Variants in MYOM2 observed in about 807,000 individuals in gnomAD.
The protein encoded by MYOM2 is myomesin 2.
In MYOM2, 254 loss-of-function variants were observed where a neutral mutation model predicts 187.6. That is an observed-to-expected ratio of 1.35 (90% CI 1.22 to 1.50). The LOEUF is 1.50. MYOM2 is among the 40% of genes most tolerant of loss of function. The pLI, the probability that MYOM2 is intolerant of heterozygous loss-of-function variation, is 0.00. For missense variants in MYOM2, 2,796 were observed against 1,924.0 expected, an observed-to-expected ratio of 1.45 and a Z score of -8.48; for synonymous variants, 981 against 753.8, an observed-to-expected ratio of 1.30 and a Z score of -4.94.
chr8:2,049,213 T>A (rs1004126223), intron 1 of MYOM2, among the ~76,000 whole-genome samples: 1 of 152,188 alleles, frequency 6.6e-6, no homozygotes, highest in Non-Finnish European at 1.5e-5. Flanking sequence ...CTAGTTGGGT[T>A]TTAAGAGGCA....
intron 31 of MYOM2, among the ~76,000 whole-genome samples, chr8:2,126,539 TACTC>T (rs996242473): frequency 6.6e-6 from 1 of 152,002 alleles, no homozygotes; most frequent in Non-Finnish European, 1.5e-5. Flanking sequence ...TACACACACT[TACTC>T]ATATGGGCAC....
chr8:2,110,771 T>C (rs955584479), intron 25 of MYOM2, among the ~76,000 whole-genome samples: 1 of 152,212 alleles, frequency 6.6e-6, no homozygotes, highest in Non-Finnish European at 1.5e-5. Flanking sequence ...GGACCCCTCA[T>C]TGCAGTCCAG....
At chr8:2,133,579 G>A (rs1378105780) in intron 32 of MYOM2, among the ~76,000 whole-genome samples, 1 of 152,158 alleles carries the variant, frequency 6.6e-6, no homozygotes, top group African/African-American at 2.4e-5. Flanking sequence ...TCCCACCTCA[G>A]CCTCCAGAGT....
In MYOM2 at chr8:2,100,948, A is replaced by G; in HGVS notation, c.2513A>G (p.Tyr838Cys). ...SLVMLWKAPV[Y>C]SGSSPVSGYF... is the part of the protein sequence containing the mutation. Reference sequence around the variant, plus strand: ...GTCATGCTGTGGAAGGCCCCTGTGTACTCCGGCAGCAGCCCTGTTTCTGGA... The same window carrying G: ...GTCATGCTGTGGAAGGCCCCTGTGTGCTCCGGCAGCAGCCCTGTTTCTGGA... Residue 838 changes from tyrosine (Y) to cysteine (C), a missense_variant, in exon 20 of 37, where the codon TAC (tyrosine) becomes TGC (cysteine). Physicochemically the swap from Tyr to Cys is radical, Grantham distance 194 (BLOSUM62 -2). Coordinates refer to ENST00000262113, the MANE Select transcript of MYOM2 (RefSeq NM_003970.4). 6.2e-7 allele frequency: 1 copy of G among 1,614,004 alleles called. No individual in the cohort carries two copies. The highest frequency in any genetic ancestry group is 8.5e-7 in the Non-Finnish European group (1 of 1,180,004).
Position 2,089,997 on chromosome 8 carries a change from T to A in MYOM2, c.1645-11T>A, listed in dbSNP as rs1462163275. ...TTTCACTGCCAGTCTCGTTTCTGTTTCTCTTTGTAGTCCGTGGTGGGGAGC... is the reference window on the plus strand; with the variant it reads ...TTTCACTGCCAGTCTCGTTTCTGTTACTCTTTGTAGTCCGTGGTGGGGAGC... On this transcript the variant is annotated splice_polypyrimidine_tract_variant and intron_variant, in intron 14 of 36. Coordinates refer to ENST00000262113, the MANE Select transcript of MYOM2 (RefSeq NM_003970.4). 6.2e-7 allele frequency: 1 copy of A among 1,612,826 alleles called. No homozygotes were observed. Among genetic ancestry groups the A allele is most frequent in the Non-Finnish European group, 8.5e-7 (1 of 1,179,178 alleles).
chr8:2,054,879 C>CACCTGGATACTGGGGAACCAAGT (rs1461414462), intron 3 of MYOM2, among the ~76,000 whole-genome samples: 11,854 of 135,174 alleles, frequency 0.088, 3,228 homozygotes, highest in African/African-American at 0.12. Context: ...TGGCACCTGG[C>CACCTGGATACTGGGGAACCAAGT]ACCTGGATAC....
intron 23 of MYOM2, 63 bp downstream of exon 23, chr8:2,106,660 C>T (rs1159553665): frequency 3.3e-6 from 4 of 1,207,946 alleles, no homozygotes; most frequent in African/African-American, 1.6e-5. Flanking sequence ...AGATTGACAC[C>T]AACATAGAAA....
chr8:2,047,262 A>G (rs557714849), intron 1 of MYOM2, among the ~76,000 whole-genome samples: 36 of 152,282 alleles, frequency 2.4e-4, no homozygotes, highest in African/African-American at 7.9e-4. Flanking sequence ...GCTTGCAAAG[A>G]CGTCATCACA....
In MYOM2 at chr8:2,073,336, C is replaced by G. The variant is rs1159399572; in HGVS notation, c.959-3C>G. On this transcript the variant is annotated splice_region_variant and splice_polypyrimidine_tract_variant and intron_variant, in intron 9 of 36. Transcript: ENST00000262113. The stretch of plus-strand genomic sequence containing the variant: ...CAAACCTTCCGTGTTAACGCTCTTT[C>G]AGACGTGCTGTTGAAAGAGTCCAAG... 6.2e-7 allele frequency: 1 copy of G among 1,601,600 alleles called. No homozygotes were observed. Among genetic ancestry groups the G allele is most frequent in the Non-Finnish European group, 8.5e-7 (1 of 1,172,260 alleles).
chr8:2,060,247 C>T (rs904756839), intron 6 of MYOM2, among the ~76,000 whole-genome samples: 2 of 152,132 alleles, frequency 1.3e-5, no homozygotes, highest in Admixed American at 6.5e-5. Context: ...AAGGAGCACA[C>T]GCTTGTCCAG....
At chr8:2,141,236 T>C (rs111402132) in intron 34 of MYOM2, 59 bp downstream of exon 34, 20 of 1,496,474 alleles carry the variant, frequency 1.3e-5, no homozygotes, top group African/African-American at 1.1e-4. Context: ...CCCAGTCGTT[T>C]TGGCTGCATG....
At chr8:2,103,643 C>A (rs2116790527) in intron 21 of MYOM2, among the ~76,000 whole-genome samples, 1 of 148,372 alleles carries the variant, frequency 6.7e-6, no homozygotes, top group African/African-American at 2.5e-5. Flanking sequence ...GGAGAGCGTG[C>A]ATGTATTATG....
chr8:2,120,960 GA>G (rs1217283290), intron 28 of MYOM2, among the ~76,000 whole-genome samples: 1 of 151,694 alleles, frequency 6.6e-6, no homozygotes, highest in Non-Finnish European at 1.5e-5. Context: ...GGAAGATTCA[GA>G]AATGAAAACA....
In MYOM2 at chr8:2,145,344, G is replaced by T. The variant is rs973196296; in HGVS notation, c.*363G>T. 4 of 328,872 alleles carry T rather than the reference G, an allele frequency of 1.2e-5. No individual in the cohort carries two copies. The South Asian group carries it at 2.6e-4, about 21-fold the overall frequency. The allele number at this position is 328,872 out of a possible 1,614,324, so 20.4% of individuals were successfully genotyped here. A position where few individuals can be genotyped will look rare whatever the true frequency, so the allele number is the denominator to read the frequency against. On this transcript the variant is annotated 3_prime_UTR_variant, in exon 37 of 37. Coordinates refer to ENST00000262113, the MANE Select transcript of MYOM2 (RefSeq NM_003970.4). The stretch of plus-strand genomic sequence containing the variant: ...TGTGAAGCCACCGTGCTTCTCTTTG[G>T]GGGGCCGCGAGATCTAGCATCTCTG...
intron 10 of MYOM2, among the ~76,000 whole-genome samples, chr8:2,075,047 C>G (rs56878714): frequency 0.035 from 5,388 of 152,352 alleles, 313 homozygotes; most frequent in African/African-American, 0.12. Context: ...TTCATGATTA[C>G]TTTTTCCATT....
intron 1 of MYOM2, among the ~76,000 whole-genome samples, chr8:2,046,777 G>A (rs1163056758): frequency 3.4e-5 from 5 of 146,850 alleles, no homozygotes; most frequent in Non-Finnish European, 7.5e-5. Flanking sequence ...GTTGGTGTGT[G>A]TAGGGGGTAT....
At chr8:2,134,146 C>G (rs1797974596) in intron 32 of MYOM2, among the ~76,000 whole-genome samples, 1 of 151,976 alleles carries the variant, frequency 6.6e-6, no homozygotes, top group Non-Finnish European at 1.5e-5. Context: ...ACCTTTTTTT[C>G]CAGGAACGCC....
chr8:2,104,499 G>T (rs1796826838), intron 21 of MYOM2, among the ~76,000 whole-genome samples: 1 of 152,194 alleles, frequency 6.6e-6, no homozygotes, highest in Admixed American at 6.5e-5. Flanking sequence ...CAGCTACTCA[G>T]GAGGCGGAGG....
At chr8:2,080,200 C>T (rs995140328) in intron 13 of MYOM2, among the ~76,000 whole-genome samples, 2 of 152,178 alleles carry the variant, frequency 1.3e-5, no homozygotes, top group African/African-American at 4.8e-5. Flanking sequence ...ACTTAGAGTT[C>T]ATAGAGTGCC....
Sources: allele counts gnomAD v4.1 joint callset (sites outside exome capture counted in the v4.1 genomes callset), GRCh38; gene constraint gnomAD v4.1.1; transcripts MANE v1.5; gene names NCBI Gene and HGNC (gene_info 2026-07-23, HGNC 2026-07-21).